AGK: variants seen among roughly 807,000 people sequenced by gnomAD.
AGK encodes acylglycerol kinase.
AGK carries 52 observed loss-of-function variants against 66.4 expected under a neutral mutation model. The ratio of observed to expected loss-of-function variants is 0.78; its 90% CI spans 0.63 to 0.99. The LOEUF (loss-of-function observed/expected upper bound fraction) is 0.99. Ranked by LOEUF, AGK falls within the 50% of genes least tolerant of loss-of-function variation. The pLI, the probability that AGK is intolerant of heterozygous loss-of-function variation, is 0.00. For missense variants in AGK, 451 were observed against 506.6 expected (o/e 0.89, Z 1.05); for synonymous variants, 182 against 181.1 (o/e 1.00, Z -0.04).
At position 141,555,812 on chromosome 7, in the gene AGK, A is replaced by G. The variant is rs1330143182; in HGVS notation, c.101+245A>G. On this transcript the variant is annotated intron_variant, in intron 2 of 15. Transcript: ENST00000649286. This position sits in a 1 kb window ranked among gnomAD's most constrained non-coding sequence, Gnocchi z 4.2. ...AGAAAGGAAGCTATTTTTATTCATT[A>G]TATTTATAGTGGAAGAGATTAAGAC... is the stretch of plus-strand genomic sequence containing the variant. Among the ~76,000 whole-genome samples the G allele has an allele frequency of 6.6e-6, 1 of 152,238 alleles. No individual in the cohort carries two copies. The highest frequency in any genetic ancestry group is 1.5e-5 in the Non-Finnish European group (1 of 68,040).
At chr7:141,566,235 G>A (rs1477865256) in intron 2 of AGK, among the ~76,000 whole-genome samples, 1 of 152,128 alleles carries the variant, frequency 6.6e-6, no homozygotes, top group Non-Finnish European at 1.5e-5. Flanking sequence ...TTTCTCCATA[G>A]TACTATGAAC....
At chr7:141,589,242 G>C (rs1461744699) in intron 2 of AGK, among the ~76,000 whole-genome samples, 2 of 152,134 alleles carry the variant, frequency 1.3e-5, no homozygotes, top group Non-Finnish European at 2.9e-5. Flanking sequence ...AATATTTTCT[G>C]TTACCTGATA....
At chr7:141,596,018 T>C (rs2116926316) in intron 3 of AGK, among the ~76,000 whole-genome samples, 1 of 152,324 alleles carries the variant, frequency 6.6e-6, no homozygotes, top group Non-Finnish European at 1.5e-5. Flanking sequence ...AGGTGCTTGG[T>C]ATATATTAGT....
chr7:141,556,315 G>A (rs1795209262), intron 2 of AGK, among the ~76,000 whole-genome samples: 1 of 152,094 alleles, frequency 6.6e-6, no homozygotes, highest in Non-Finnish European at 1.5e-5. Flanking sequence ...GGGAGGCTGA[G>A]GCAGGTGGAT....
chr7:141,622,093 C>CT (rs879346055), intron 9 of AGK, among the ~76,000 whole-genome samples: 272 of 141,624 alleles, frequency 1.9e-3, no homozygotes, highest in Admixed American at 3.9e-3. Flanking sequence ...CACTTAGCTA[C>CT]TTTTTTTTTT....
At chr7:141,573,863 A>C (rs1795669903) in intron 2 of AGK, among the ~76,000 whole-genome samples, 1 of 152,100 alleles carries the variant, frequency 6.6e-6, no homozygotes, top group African/African-American at 2.4e-5. Flanking sequence ...TTTAGGGTAC[A>C]TGTGCACAAT....
chr7:141,643,896 A>T (rs1248384732), intron 13 of AGK, among the ~76,000 whole-genome samples: 1 of 152,170 alleles, frequency 6.6e-6, no homozygotes, highest in African/African-American at 2.4e-5. Flanking sequence ...TGATGGGAAT[A>T]TAGATTGGAA....
intron 2 of AGK, among the ~76,000 whole-genome samples, chr7:141,580,723 G>A (rs1795864313): frequency 6.6e-6 from 1 of 152,058 alleles, no homozygotes. Context: ...ATGAGGGCTA[G>A]GCTAAAACAG....
At chr7:141,585,125 T>C (rs532586305) in intron 2 of AGK, among the ~76,000 whole-genome samples, 2 of 152,350 alleles carry the variant, frequency 1.3e-5, no homozygotes, top group Non-Finnish European at 2.9e-5. Context: ...CTTGGCTTTC[T>C]GACCTGTTAC....
intron 14 of AGK, 151 bp downstream of exon 14, chr7:141,649,484 G>A (rs1797500950): frequency 1.6e-6 from 1 of 631,476 alleles, no homozygotes; most frequent in Non-Finnish European, 2.8e-6. Context: ...GGGCTGACAT[G>A]TAGAGTGCCC....
chr7:141,623,644 A>G (rs1422348294), intron 9 of AGK, among the ~76,000 whole-genome samples: 2 of 152,362 alleles, frequency 1.3e-5, no homozygotes, highest in Admixed American at 6.5e-5. Context: ...TCCTCCTAAC[A>G]TAAAGTGCAA....
intron 2 of AGK, among the ~76,000 whole-genome samples, chr7:141,583,839 A>G (rs1795937721): frequency 6.6e-6 from 1 of 151,944 alleles, no homozygotes; most frequent in East Asian, 1.9e-4. Context: ...TTGAAAGGAG[A>G]AAGAGGTTGA....
intron 2 of AGK, among the ~76,000 whole-genome samples, chr7:141,559,357 T>C (rs1274034553): frequency 2.6e-5 from 4 of 152,160 alleles, no homozygotes; most frequent in Non-Finnish European, 5.9e-5. Context: ...TCCATTACCA[T>C]TTGTTGAAGA....
chr7:141,605,123 T>C (rs1457432043), intron 5 of AGK, among the ~76,000 whole-genome samples: 1 of 152,144 alleles, frequency 6.6e-6, no homozygotes, highest in Non-Finnish European at 1.5e-5. Flanking sequence ...TTAAATTAAA[T>C]TTTTAGCTTG....
At position 141,556,748 on chromosome 7, in the gene AGK, T is replaced by G. The variant is rs533668011; in HGVS notation, c.101+1181T>G. 7.2e-5 allele frequency among the ~76,000 whole-genome samples: 11 copies of G among 152,288 alleles called. No homozygotes were observed. The East Asian group carries it at 1.9e-3, about 27-fold the overall frequency. On this transcript the variant is annotated intron_variant, in intron 2 of 15. Coordinates refer to ENST00000649286, the MANE Select transcript of AGK (RefSeq NM_018238.4). The stretch of plus-strand genomic sequence containing the variant: ...CTCTTGATCTGTCATCAAGGGACAC[T>G]TACTGAATTTGTTCCTCCATCCCCT...
intron 2 of AGK, among the ~76,000 whole-genome samples, chr7:141,574,078 A>G (rs1795677723): frequency 6.6e-6 from 1 of 152,226 alleles, no homozygotes; most frequent in Non-Finnish European, 1.5e-5. Flanking sequence ...TTGGTTGCCT[A>G]GTAAAGATAA....
intron 5 of AGK, among the ~76,000 whole-genome samples, chr7:141,603,757 C>G (rs1194769870): frequency 6.6e-6 from 1 of 152,128 alleles, no homozygotes; most frequent in Non-Finnish European, 1.5e-5. Flanking sequence ...ACTCACGTCT[C>G]CAAGTTGATG....
intron 2 of AGK, among the ~76,000 whole-genome samples, chr7:141,584,256 AGTGGG>A (rs1434164925): frequency 2.0e-5 from 3 of 152,092 alleles, no homozygotes; most frequent in Non-Finnish European, 4.4e-5. Context: ...CAAGGTGTTC[AGTGGG>A]GGAGCTTTTG....
At position 141,652,960 on chromosome 7, in the gene AGK, G is replaced by C; in HGVS notation, c.*36G>C. 6.2e-7 allele frequency: 1 copy of C among 1,611,284 alleles called. No homozygotes were observed. Among genetic ancestry groups the C allele is most frequent in the South Asian group, 1.1e-5 (1 of 90,946 alleles). On this transcript the variant is annotated 3_prime_UTR_variant, in exon 16 of 16. Coordinates refer to ENST00000649286, the MANE Select transcript of AGK (RefSeq NM_018238.4). ...ACAAGCACTCTGAGACCACACTTTA[G>C]GCCACCGGTGGGACCAAAAGGGAAC...
Sources: allele counts gnomAD v4.1 joint callset (sites outside exome capture counted in the v4.1 genomes callset), GRCh38; gene constraint gnomAD v4.1.1; non-coding constraint Gnocchi (gnomAD v3.1); transcripts MANE v1.5; gene names NCBI Gene and HGNC (gene_info 2026-07-23, HGNC 2026-07-21).